Variants in CDK5RAP2 observed in about 807,000 individuals in gnomAD.
The protein encoded by CDK5RAP2 is CDK5 regulatory subunit associated protein 2, also known as CDK5 regulatory subunit-associated protein 2.
A neutral mutation model predicts 232.9 loss-of-function variants in CDK5RAP2; 147 were observed. The observed-to-expected ratio is 0.63, with a 90% confidence interval of 0.55 to 0.72. The LOEUF (loss-of-function observed/expected upper bound fraction) is 0.72. Among genes scored for constraint, CDK5RAP2 ranks in the 30% least tolerant of loss-of-function variants. The pLI is 0.00. For missense variants in CDK5RAP2, 2,195 were observed against 2,231.5 expected, an observed-to-expected ratio of 0.98 and a Z score of 0.33; for synonymous variants, 833 against 833.7, an observed-to-expected ratio of 1.00 and a Z score of 0.01.
intron 25 of CDK5RAP2, among the ~76,000 whole-genome samples, chr9:120,426,855 A>G (rs2034935535): frequency 6.6e-6 from 1 of 152,240 alleles, no homozygotes; most frequent in African/African-American, 2.4e-5. Context: ...TTATTGCTAC[A>G]GAGTCTGTTC....
chr9:120,567,849 G>C (rs1484956679), intron 3 of CDK5RAP2, among the ~76,000 whole-genome samples: 1 of 152,162 alleles, frequency 6.6e-6, no homozygotes, highest in South Asian at 2.1e-4. Context: ...TGTATTATAT[G>C]ACCATAAACA....
chr9:120,489,248 TCTC>T (rs1274014086), intron 13 of CDK5RAP2, among the ~76,000 whole-genome samples: 1 of 152,200 alleles, frequency 6.6e-6, no homozygotes, highest in Non-Finnish European at 1.5e-5. Flanking sequence ...TGACCTGTAT[TCTC>T]CTCTCTGTGG....
chr9:120,510,982 C>A (rs2040053410), intron 12 of CDK5RAP2, among the ~76,000 whole-genome samples: 1 of 152,202 alleles, frequency 6.6e-6, no homozygotes, highest in South Asian at 2.1e-4. Context: ...CAAATTACAA[C>A]ACATGCTGAG....
At chr9:120,547,117 C>G (rs1267470966) in intron 4 of CDK5RAP2, among the ~76,000 whole-genome samples, 2 of 151,958 alleles carry the variant, frequency 1.3e-5, no homozygotes, top group Admixed American at 6.6e-5. Flanking sequence ...CTCCGAGTAG[C>G]TGGGATTATA....
chr9:120,466,935 C>T (rs1216428268), intron 18 of CDK5RAP2, among the ~76,000 whole-genome samples: 1 of 152,284 alleles, frequency 6.6e-6, no homozygotes, highest in South Asian at 2.1e-4. Flanking sequence ...GTGAGGGACC[C>T]AAGTACAAAA....
intron 3 of CDK5RAP2, among the ~76,000 whole-genome samples, chr9:120,559,343 C>A (rs1045469763): frequency 6.6e-6 from 1 of 151,514 alleles, no homozygotes; most frequent in Non-Finnish European, 1.5e-5. Flanking sequence ...AAAAATCAGC[C>A]AAGCATGGTG....
At chr9:120,424,230 G>A (rs1588296101) in intron 25 of CDK5RAP2, among the ~76,000 whole-genome samples, 1 of 152,344 alleles carries the variant, frequency 6.6e-6, no homozygotes, top group East Asian at 1.9e-4. Context: ...AGTTAAGCAA[G>A]ACAGATGGAG....
chr9:120,559,733 A>G (rs889914747), intron 3 of CDK5RAP2, among the ~76,000 whole-genome samples: 26 of 152,170 alleles, frequency 1.7e-4, no homozygotes, highest in African/African-American at 6.0e-4. Flanking sequence ...AGCCCTTGGA[A>G]GCCATGTGTT....
At chr9:120,527,960 T>C in intron 9 of CDK5RAP2, 35 bp from the exon 10 acceptor site, 8 of 1,612,500 alleles carry the variant, frequency 5.0e-6, no homozygotes, top group Non-Finnish European at 6.8e-6. Flanking sequence ...ACTAAGTTGA[T>C]GCGTTCCAAC....
intron 7 of CDK5RAP2, among the ~76,000 whole-genome samples, chr9:120,533,669 G>T (rs957773957): frequency 6.6e-6 from 1 of 151,808 alleles, no homozygotes; most frequent in Non-Finnish European, 1.5e-5. Context: ...TTGGTGGCGG[G>T]CAACTGTAAT....
chr9:120,526,110 T>C (rs2040887984), intron 10 of CDK5RAP2, among the ~76,000 whole-genome samples: 1 of 152,180 alleles, frequency 6.6e-6, no homozygotes, highest in African/African-American at 2.4e-5. Context: ...CCTTCTTCTT[T>C]CCCATTCTAT....
chr9:120,392,198 T>C (rs2032050312), intron 36 of CDK5RAP2, among the ~76,000 whole-genome samples: 1 of 152,194 alleles, frequency 6.6e-6, no homozygotes, highest in South Asian at 2.1e-4. Flanking sequence ...GGTAGCGTTA[T>C]CATCCTTATT....
chr9:120,537,250 C>G (rs1406495038), intron 6 of CDK5RAP2, among the ~76,000 whole-genome samples: 1 of 152,188 alleles, frequency 6.6e-6, no homozygotes, highest in Non-Finnish European at 1.5e-5. Flanking sequence ...CCTCTCTGAG[C>G]CTGAACTTCC....
rs141725592 is a variant in CDK5RAP2 at position 120,534,514 on chromosome 9, G to C, written c.662+1858C>G. Among the ~76,000 whole-genome samples, 39 of 152,270 alleles carry C rather than the reference G, an allele frequency of 2.6e-4. 1 individual carries two copies. In the East Asian group the frequency reaches 7.5e-3, roughly 29 times the overall value. Reference sequence around the variant, plus strand: ...ACTCAAACAATGAGATTCCTGGGGAGAGGAACCCAGGCTGTATCACTCCTT... The same window carrying C: ...ACTCAAACAATGAGATTCCTGGGGACAGGAACCCAGGCTGTATCACTCCTT... On this transcript the variant is annotated intron_variant, in intron 7 of 37. Transcript: ENST00000349780.
At chr9:120,548,716 G>A (rs924100866) in intron 4 of CDK5RAP2, among the ~76,000 whole-genome samples, 6 of 152,304 alleles carry the variant, frequency 3.9e-5, no homozygotes, top group African/African-American at 1.4e-4. Context: ...GGAGACTGAG[G>A]TGGGAGGATA....
At chr9:120,485,171 G>C (rs992956969) in intron 14 of CDK5RAP2, among the ~76,000 whole-genome samples, 2 of 151,850 alleles carry the variant, frequency 1.3e-5, no homozygotes, top group African/African-American at 4.8e-5. Flanking sequence ...TACATTTGTG[G>C]TCATGTGAAG....
At chr9:120,528,652 G>T in intron 9 of CDK5RAP2, 92 bp downstream of exon 9, 1 of 813,780 alleles carries the variant, frequency 1.2e-6, no homozygotes. Context: ...GACAGCTACT[G>T]TGACACAGAA....
chr9:120,567,916 T>C (rs1023128612), intron 3 of CDK5RAP2, among the ~76,000 whole-genome samples: 4 of 152,200 alleles, frequency 2.6e-5, no homozygotes, highest in Admixed American at 6.5e-5. Context: ...ACAAAATATC[T>C]CAAAGGTTGC....
At chr9:120,527,732 A>G (rs1334270365) in intron 10 of CDK5RAP2, 74 bp downstream of exon 10, 1 of 1,552,188 alleles carries the variant, frequency 6.4e-7, no homozygotes, top group East Asian at 2.2e-5. Context: ...ATCTGAAGCT[A>G]AAAATTCAGG....
Sources: gnomAD v4.1 joint callset for allele counts (sites outside exome capture counted in the v4.1 genomes callset) on GRCh38, gnomAD v4.1.1 for gene constraint, MANE v1.5 for transcripts, NCBI Gene and HGNC (gene_info 2026-07-23, HGNC 2026-07-21) for gene names.